The following UNC13C variants were observed in gnomAD, a reference collection of about 807,000 sequenced individuals.
UNC13C encodes the protein unc-13 homolog C.
Under a neutral mutation model 245.4 loss-of-function variants are expected in UNC13C, and 174 were observed. The observed-to-expected ratio is 0.71, with a 90% CI of 0.63 to 0.80. The LOEUF (loss-of-function observed/expected upper bound fraction) is 0.80. Ranked by LOEUF, UNC13C falls within the 30% of genes least tolerant of loss-of-function variation. The probability of loss-of-function intolerance (pLI) is 0.00; values close to 1 mark genes in which losing one functional copy is unlikely to be tolerated. For missense variants in UNC13C, 2,829 were observed against 2,602.9 expected, an observed-to-expected ratio of 1.09 and a Z score of -1.89; for synonymous variants, 992 against 895.1, an observed-to-expected ratio of 1.11 and a Z score of -1.93.
chr15:54,041,152 C>T (rs72739072), intron 2 of UNC13C, among the ~76,000 whole-genome samples: 7,171 of 152,204 alleles, frequency 0.047, 244 homozygotes, highest in Non-Finnish European at 0.07. Context: ...GAATACCTTT[C>T]TATATTTTAA....
the UNC13C span, among the ~76,000 whole-genome samples, chr15:53,930,585 T>C: frequency 6.6e-6 from 1 of 152,300 alleles, no homozygotes; most frequent in Admixed American, 6.5e-5. Flanking sequence ...ACACAAACAC[T>C]GGTACTTATA....
At chr15:54,324,840 C>T (rs2038252846) in intron 14 of UNC13C, among the ~76,000 whole-genome samples, 1 of 152,018 alleles carries the variant, frequency 6.6e-6, no homozygotes, top group Non-Finnish European at 1.5e-5. Context: ...GAAGTTTGTT[C>T]AGTGAATGGC....
chr15:54,578,336 A>AT (rs11330241), intron 30 of UNC13C, among the ~76,000 whole-genome samples: 4 of 151,836 alleles, frequency 2.6e-5, no homozygotes, highest in African/African-American at 4.8e-5. Context: ...GAAAGATTAC[A>AT]TTTTTTTATC....
the UNC13C span, among the ~76,000 whole-genome samples, chr15:53,960,031 A>C: frequency 6.6e-6 from 1 of 152,158 alleles, no homozygotes; most frequent in Non-Finnish European, 1.5e-5. Flanking sequence ...TTTACAGTTA[A>C]AAATAACAGT....
At chr15:54,501,964 A>G (rs745529404) in intron 22 of UNC13C, among the ~76,000 whole-genome samples, 10 of 152,134 alleles carry the variant, frequency 6.6e-5, no homozygotes, top group Admixed American at 1.3e-4. Context: ...CAGGTTGAGA[A>G]GTTTAGACTT....
chr15:54,105,078 C>T (rs111719629), intron 2 of UNC13C, among the ~76,000 whole-genome samples: 8 of 152,276 alleles, frequency 5.3e-5, no homozygotes, highest in African/African-American at 1.9e-4. Flanking sequence ...CCTATGGTTT[C>T]TGGGAGCAGG....
Position 54,412,257 on chromosome 15 carries a change from G to A in UNC13C, c.4848-2725G>A, listed in dbSNP as rs566874320. 9.9e-5 allele frequency among the ~76,000 whole-genome samples: 15 copies of A among 152,112 alleles called. 1 individual carries two copies. In the East Asian group the frequency reaches 2.9e-3, roughly 29 times the overall value. On this transcript the variant is annotated intron_variant, in intron 18 of 32. Transcript: ENST00000260323. ...GACTGAGTAATTTATAAAGGAAAGAGGTTTAATTGACTCACAGTTCCACAT... is the reference window on the plus strand; with the variant it reads ...GACTGAGTAATTTATAAAGGAAAGAAGTTTAATTGACTCACAGTTCCACAT...
In UNC13C at chr15:54,184,382, G is replaced by A. The variant is rs2033901790; in HGVS notation, c.3071+40698G>A. 1.3e-5 allele frequency among the ~76,000 whole-genome samples: 2 copies of A among 151,900 alleles called. 1 individual carries two copies. The highest frequency in any genetic ancestry group is 4.2e-4 in the South Asian group (2 of 4,812). ...GCTGCACCCATTAACTCGTCATTTA[G>A]CATTAGGTATATCTCCTAATGCTAT... On this transcript the variant is annotated intron_variant, in intron 4 of 32. Coordinates refer to ENST00000260323, the MANE Select transcript of UNC13C (RefSeq NM_001080534.3).
At chr15:54,132,796 G>T (rs2031509073) in intron 2 of UNC13C, among the ~76,000 whole-genome samples, 1 of 152,144 alleles carries the variant, frequency 6.6e-6, no homozygotes, top group African/African-American at 2.4e-5. Flanking sequence ...AGAAGATAAT[G>T]AATTATCACC....
chr15:54,257,859 G>A (rs147917543), intron 8 of UNC13C, among the ~76,000 whole-genome samples: 10 of 152,256 alleles, frequency 6.6e-5, no homozygotes, highest in Middle Eastern at 3.4e-3. Context: ...AGGAGGGTTC[G>A]TATTATCTTG....
chr15:54,309,943 C>T (rs539856317), intron 13 of UNC13C, among the ~76,000 whole-genome samples: 4 of 151,936 alleles, frequency 2.6e-5, no homozygotes, highest in Admixed American at 2.6e-4. Flanking sequence ...TCCCATGGAA[C>T]TAAAATTCCA....
chr15:54,497,075 G>A (rs1324637862), intron 20 of UNC13C, among the ~76,000 whole-genome samples: 4 of 152,080 alleles, frequency 2.6e-5, no homozygotes, highest in Non-Finnish European at 5.9e-5. Flanking sequence ...GAATAGAGAA[G>A]TAAAACAGAG....
chr15:54,024,109 G>A (rs1896006956), intron 2 of UNC13C, among the ~76,000 whole-genome samples: 1 of 152,096 alleles, frequency 6.6e-6, no homozygotes, highest in Admixed American at 6.6e-5. Flanking sequence ...CATCCAGTGG[G>A]GCAATTTAGG....
At chr15:53,949,188 C>T in the UNC13C span, among the ~76,000 whole-genome samples, 10 of 152,188 alleles carry the variant, frequency 6.6e-5, no homozygotes, top group South Asian at 2.1e-4. Context: ...GTTCACTCTT[C>T]GTGCAGTTTG....
rs563269793 is a variant in UNC13C at position 54,337,820 on chromosome 15, A to G, written c.4585-541A>G. Reference sequence around the variant, plus strand: ...CCTTCCCACCTCGCTAAAAGCTAAGATTTTTATAGTGGTCTATATGTAGTT... The same window carrying G: ...CCTTCCCACCTCGCTAAAAGCTAAGGTTTTTATAGTGGTCTATATGTAGTT... On this transcript the variant is annotated intron_variant, in intron 16 of 32. Transcript: ENST00000260323. 1.1e-4 allele frequency among the ~76,000 whole-genome samples: 16 copies of G among 152,240 alleles called. No individual in the cohort carries two copies. In the South Asian group the frequency reaches 3.3e-3, roughly 32 times the overall value.
At chr15:54,010,713 A>T (rs1026651020) in intron 1 of UNC13C, among the ~76,000 whole-genome samples, 1 of 152,218 alleles carries the variant, frequency 6.6e-6, no homozygotes, top group Non-Finnish European at 1.5e-5. Context: ...GAGTCAAATT[A>T]TCATTAGGAA....
chr15:54,068,163 G>A (rs1898156065), intron 2 of UNC13C, among the ~76,000 whole-genome samples: 1 of 152,154 alleles, frequency 6.6e-6, no homozygotes, highest in Admixed American at 6.5e-5. Context: ...GAATGTAGCA[G>A]CAACGTAACC....
intron 2 of UNC13C, among the ~76,000 whole-genome samples, chr15:54,033,854 T>C (rs1210426755): frequency 6.6e-6 from 1 of 152,204 alleles, no homozygotes; most frequent in African/African-American, 2.4e-5. Context: ...TGTATGTCCT[T>C]TCACTCTTCA....
intron 11 of UNC13C, among the ~76,000 whole-genome samples, chr15:54,296,333 TG>T: frequency 6.6e-6 from 1 of 151,770 alleles, no homozygotes; most frequent in African/African-American, 2.4e-5. Flanking sequence ...CCCGAGTAGC[TG>T]GGACTACAGG....
Sources: gnomAD v4.1 joint callset for allele counts (sites outside exome capture counted in the v4.1 genomes callset) on GRCh38, gnomAD v4.1.1 for gene constraint, MANE v1.5 for transcripts, NCBI Gene and HGNC (gene_info 2026-07-23, HGNC 2026-07-21) for gene names.